The following EDRF1 variants were observed in gnomAD, a reference collection of about 807,000 sequenced individuals.
The protein encoded by EDRF1 is erythroid differentiation-related factor 1.
In EDRF1, 69 loss-of-function variants were observed where a neutral mutation model predicts 148.7. That is an observed-to-expected ratio of 0.46 (90% CI 0.38 to 0.57). The LOEUF (loss-of-function observed/expected upper bound fraction) is 0.57. Among genes scored for constraint, EDRF1 ranks in the 20% least tolerant of loss-of-function variants. The pLI is 0.00. For missense variants in EDRF1, 1,118 were observed against 1,478.7 expected (o/e 0.76, Z 4.00); for synonymous variants, 515 against 532.8 (o/e 0.97, Z 0.46).
At chr10:125,733,978 C>G in intron 11 of EDRF1, 94 bp from the exon 12 acceptor site, 1 of 1,076,428 alleles carries the variant, frequency 9.3e-7, no homozygotes, top group Non-Finnish European at 1.4e-6. Flanking sequence ...TTTCTTATAG[C>G]TCTTTGTTGG....
chr10:125,751,401 AGT>A (rs1277715828), intron 22 of EDRF1, among the ~76,000 whole-genome samples: 5 of 121,196 alleles, frequency 4.1e-5, no homozygotes, highest in African/African-American at 1.6e-4. Flanking sequence ...TATTTTACCC[AGT>A]GTTTTTTTTT....
intron 15 of EDRF1, among the ~76,000 whole-genome samples, chr10:125,739,654 T>C (rs532670015): frequency 6.6e-6 from 1 of 152,356 alleles, no homozygotes; most frequent in East Asian, 1.9e-4. Context: ...GTACCTTTCA[T>C]TGCCTTGAAA....
chr10:125,739,521 C>G (rs558865430), intron 15 of EDRF1, among the ~76,000 whole-genome samples: 104 of 152,318 alleles, frequency 6.8e-4, no homozygotes, highest in African/African-American at 2.4e-3. Context: ...CATGCACACA[C>G]ACGGTTGTGA....
chr10:125,725,205 G>T lies in EDRF1; in HGVS notation c.511-113G>T. 4.1e-6 allele frequency: 5 copies of T among 1,233,214 alleles called. No individual in the cohort carries two copies. In the South Asian group the frequency reaches 6.4e-5, roughly 16 times the overall value. The allele number at this position is 1,233,214 out of a possible 1,614,324, so 76.4% of individuals were successfully genotyped here. On this transcript the variant is annotated intron_variant, in intron 4 of 24. Transcript: ENST00000356792. ...AGAAAGATATGTTTTTAATGAGTAT[G>T]TGTTTATGAAACTATTCAAAAAATA...
chr10:125,745,917 T>G lies in EDRF1; in HGVS notation c.2801T>G (p.Leu934Trp), dbSNP rs375661954. ...LKREFSPEEG[L>W]YYNKAIDYYL... is the part of the protein sequence containing the mutation. ...CGTGAATTTTCACCAGAAGAAGGCT[T>G]GTATTATAATAAGGTAACACATTCG... The change falls in exon 19 of 25, where the codon TTG becomes TGG. Residue 934 changes from leucine to tryptophan, a missense_variant. Leu to Trp is a moderately conservative substitution (Grantham distance 61). Coordinates refer to ENST00000356792, the MANE Select transcript of EDRF1 (RefSeq NM_001202438.2). 3 of 1,614,064 alleles carry G rather than the reference T, an allele frequency of 1.9e-6. No homozygotes were observed. The African/African-American group carries it at 4.0e-5, about 22-fold the overall frequency.
intron 13 of EDRF1, 31 bp from the exon 14 acceptor site, chr10:125,737,887 T>C: frequency 1.3e-6 from 2 of 1,596,020 alleles, no homozygotes; most frequent in Non-Finnish European, 8.6e-7. Flanking sequence ...ACATTGGTAG[T>C]GTATTAATAA....
chr10:125,727,635 C>A (rs1465604780), intron 6 of EDRF1, among the ~76,000 whole-genome samples: 1 of 152,150 alleles, frequency 6.6e-6, no homozygotes, highest in East Asian at 1.9e-4. Context: ...GAGGACAAGG[C>A]ACAATAGAAG....
intron 3 of EDRF1, 131 bp downstream of exon 3, chr10:125,723,265 CT>C (rs1848090898): frequency 1.2e-6 from 1 of 826,292 alleles, no homozygotes; most frequent in Admixed American, 1.8e-5. Flanking sequence ...TAAAACTTAC[CT>C]GATTATTGAG....
At chr10:125,733,100 T>C (rs1289184702) in intron 9 of EDRF1, among the ~76,000 whole-genome samples, 1 of 152,220 alleles carries the variant, frequency 6.6e-6, no homozygotes, top group Admixed American at 6.5e-5. Flanking sequence ...GGAATAAAAG[T>C]AGTCAGTATG....
At chr10:125,728,858 C>T (rs944116630) in intron 6 of EDRF1, 145 bp from the exon 7 acceptor site, 2 of 621,208 alleles carry the variant, frequency 3.2e-6, no homozygotes, top group South Asian at 2.5e-5. Context: ...CCCAATGAGG[C>T]GTGTTATTAT....
At chr10:125,732,515 G>T (rs1564736193) in intron 9 of EDRF1, among the ~76,000 whole-genome samples, 1 of 152,118 alleles carries the variant, frequency 6.6e-6, no homozygotes, top group Non-Finnish European at 1.5e-5. Context: ...ATCACCAGAG[G>T]AATCTATTAA....
At chr10:125,736,675 C>T (rs769258877) in intron 13 of EDRF1, among the ~76,000 whole-genome samples, 2 of 152,008 alleles carry the variant, frequency 1.3e-5, no homozygotes, top group South Asian at 4.1e-4. Context: ...TTCACTTGCT[C>T]CATTGGTTTG....
rs1055788695 is a variant in EDRF1 at position 125,719,709 on chromosome 10, G to T, written c.-99G>T. On this transcript the variant is annotated 5_prime_UTR_variant, in exon 1 of 25. Transcript: ENST00000356792. Reference sequence around the variant, plus strand: ...TCTTCCTGGCAGAGACCGGAAGTGCGGTCCGCGGAGCGTCTCTGGCGCTTA... The same window carrying T: ...TCTTCCTGGCAGAGACCGGAAGTGCTGTCCGCGGAGCGTCTCTGGCGCTTA... The T allele has an allele frequency of 4.8e-6, 4 of 839,142 alleles. No homozygotes were observed. Among genetic ancestry groups the T allele is most frequent in the Non-Finnish European group, 7.3e-6 (4 of 545,786 alleles). 52.0% of individuals were successfully genotyped at this position (839,142 alleles called of 1,614,324 possible).
At chr10:125,729,590 C>A in intron 8 of EDRF1, 111 bp downstream of exon 8, 2 of 1,356,286 alleles carry the variant, frequency 1.5e-6, no homozygotes, top group Non-Finnish European at 2.1e-6. Flanking sequence ...CTACCGCACT[C>A]CAGCCTAGGC....
Position 125,738,508 on chromosome 10 carries a change from A to G in EDRF1, c.1981+63A>G, listed in dbSNP as rs552402588. The stretch of plus-strand genomic sequence containing the variant: ...AATAATACACTGGTTCTTTATCAAC[A>G]GCAGACTTATGTCAATTAAGGCATT... On this transcript the variant is annotated intron_variant, in intron 15 of 24. Transcript: ENST00000356792. 1.4e-4 allele frequency: 230 copies of G among 1,595,068 alleles called. No homozygotes were observed. The African/African-American group carries it at 2.8e-3, about 20-fold the overall frequency.
chr10:125,729,542 G>C, intron 8 of EDRF1, 63 bp downstream of exon 8: 1 of 1,600,616 alleles, frequency 6.2e-7, no homozygotes, highest in East Asian at 2.2e-5. Context: ...TAGAATCAGT[G>C]TTCCATCAGA....
intron 22 of EDRF1, 141 bp downstream of exon 22, chr10:125,749,706 G>A (rs896423764): frequency 1.7e-5 from 16 of 949,260 alleles, no homozygotes; most frequent in East Asian, 1.6e-4. Context: ...GGTAGAGAGG[G>A]TGAGAAATCA....
At chr10:125,730,508 A>T in intron 9 of EDRF1, 109 bp downstream of exon 9, 1 of 841,128 alleles carries the variant, frequency 1.2e-6, no homozygotes, top group Non-Finnish European at 2.1e-6. Flanking sequence ...TTGCCAGGGA[A>T]GATAGCTGTG....
chr10:125,729,085 A>G lies in EDRF1; in HGVS notation c.875A>G (p.Asn292Ser), dbSNP rs745891249. 35 of 1,570,262 alleles carry G rather than the reference A, an allele frequency of 2.2e-5. No homozygotes were observed. In the Middle Eastern group the frequency reaches 6.6e-4, roughly 30 times the overall value. ...GAACAAAACCTGATTACTTTATTCAATGACGGGGAGCACAGTCAGGTATGC... is the reference window on the plus strand; with the variant it reads ...GAACAAAACCTGATTACTTTATTCAGTGACGGGGAGCACAGTCAGGTATGC... The part of the protein sequence containing the change: ...PKEQNLITLF[N>S]DGEHSQGLKN... The change falls in exon 7 of 25, where the codon AAT becomes AGT. Residue 292 changes from asparagine to serine, a missense_variant. Around this residue, in one of 3 missense-constraint regions of EDRF1, gnomAD observed 954 missense variants for 1,241.4 expected, o/e 0.77. Transcript: ENST00000356792.
Sources: allele counts gnomAD v4.1 joint callset (sites outside exome capture counted in the v4.1 genomes callset), GRCh38; gene constraint gnomAD v4.1.1; regional missense constraint gnomAD v4.1.1; transcripts MANE v1.5; gene names NCBI Gene and HGNC (gene_info 2026-07-23, HGNC 2026-07-21).